AK9: variants seen among roughly 807,000 people sequenced by gnomAD.
AK9 encodes adenylate kinase domain containing 1.
AK9 carries 191 observed loss-of-function variants against 239.6 expected under a neutral mutation model. The observed-to-expected ratio is 0.80, with a 90% CI of 0.71 to 0.90. The LOEUF is 0.90. Among genes scored for constraint, AK9 ranks in the 40% least tolerant of loss-of-function variants. The probability of loss-of-function intolerance (pLI) is 0.00; values close to 1 mark genes in which losing one functional copy is unlikely to be tolerated. For synonymous variants in AK9, 689 were observed against 721.0 expected, an observed-to-expected ratio of 0.96 and a Z score of 0.71; for missense variants, 1,995 against 2,214.7, an observed-to-expected ratio of 0.90 and a Z score of 1.99.
At chr6:109,675,606 C>A in intron 2 of AK9, 23 bp downstream of exon 2, 7 of 1,302,676 alleles carry the variant, frequency 5.4e-6, no homozygotes, top group South Asian at 1.7e-5. Flanking sequence ...AAAAATTATA[C>A]CAAATAATAA....
At chr6:109,584,899 T>C (rs1023888244) in intron 19 of AK9, among the ~76,000 whole-genome samples, 1 of 152,150 alleles carries the variant, frequency 6.6e-6, no homozygotes, top group African/African-American at 2.4e-5. Context: ...ATGCTTGATT[T>C]AGAATAAGTT....
At chr6:109,617,836 T>C (rs140526075) in intron 13 of AK9, among the ~76,000 whole-genome samples, 1 of 139,466 alleles carries the variant, frequency 7.2e-6, no homozygotes, top group East Asian at 2.2e-4. Flanking sequence ...TGGTTTTCTG[T>C]GCTCACTTGA....
intron 9 of AK9, among the ~76,000 whole-genome samples, chr6:109,642,756 G>A (rs1797613722): frequency 6.6e-6 from 1 of 152,180 alleles, no homozygotes; most frequent in Non-Finnish European, 1.5e-5. Flanking sequence ...TACTGAAAAA[G>A]GAGAACGGTG....
chr6:109,579,707 TTAAAAA>T, intron 19 of AK9, 81 bp from the exon 20 acceptor site: 1 of 1,191,346 alleles, frequency 8.4e-7, no homozygotes, highest in South Asian at 1.6e-5. Context: ...GCTTATAGTG[TTAAAAA>T]TAAAGATTAA....
chr6:109,675,253 G>GT (rs1771538366), intron 2 of AK9, among the ~76,000 whole-genome samples: 1 of 152,146 alleles, frequency 6.6e-6, no homozygotes, highest in African/African-American at 2.4e-5. Flanking sequence ...CAGTGTTTTG[G>GT]TAAGTTAATT....
intron 16 of AK9, 61 bp downstream of exon 16, chr6:109,611,949 A>T: frequency 9.1e-7 from 1 of 1,104,268 alleles, no homozygotes; most frequent in East Asian, 2.6e-5. Context: ...TTCTGAGGGA[A>T]CTACTTGTGT....
intron 8 of AK9, among the ~76,000 whole-genome samples, chr6:109,655,360 T>G (rs1244950937): frequency 2.0e-5 from 3 of 152,228 alleles, no homozygotes; most frequent in Non-Finnish European, 2.9e-5. Context: ...TCATATTTGT[T>G]GTCCATTTAT....
chr6:109,534,656 G>T (rs1482281071), intron 27 of AK9, among the ~76,000 whole-genome samples: 1 of 151,720 alleles, frequency 6.6e-6, no homozygotes, highest in Admixed American at 6.6e-5. Flanking sequence ...CAACGTGCAG[G>T]TTTGTTACAT....
chr6:109,616,536 C>T (rs1000783006), intron 13 of AK9, among the ~76,000 whole-genome samples: 1 of 111,200 alleles, frequency 9.0e-6, no homozygotes, highest in African/African-American at 2.7e-5. Context: ...GACCCCCACA[C>T]CCAACTAATT....
chr6:109,523,254 A>G (rs979861672), intron 29 of AK9, among the ~76,000 whole-genome samples: 29 of 152,050 alleles, frequency 1.9e-4, no homozygotes, highest in African/African-American at 6.5e-4. Context: ...AGAGACTCTC[A>G]GGTTAATTCT....
At chr6:109,543,605 G>A (rs1359195918) in intron 26 of AK9, among the ~76,000 whole-genome samples, 2 of 151,906 alleles carry the variant, frequency 1.3e-5, no homozygotes, top group Non-Finnish European at 2.9e-5. Context: ...GTGTCACCAC[G>A]CCTGGCTAAT....
chr6:109,532,469 T>C (rs553248273), intron 28 of AK9, among the ~76,000 whole-genome samples: 5 of 152,344 alleles, frequency 3.3e-5, no homozygotes, highest in Admixed American at 3.3e-4. Flanking sequence ...GGTTTGCCTT[T>C]TCAGGGCATG....
intron 20 of AK9, 148 bp downstream of exon 20, chr6:109,579,402 A>AAAGGTACTATAAAGACTTC (rs1788531313): frequency 1.5e-6 from 1 of 659,508 alleles, no homozygotes; most frequent in African/African-American, 1.8e-5. Context: ...AAGGTACTAT[A>AAAGGTACTATAAAGACTTC]AAGACTTCAA....
Position 109,509,393 on chromosome 6 carries a change from A to G in AK9, c.4280-13T>C. On this transcript the variant is annotated splice_polypyrimidine_tract_variant and intron_variant, in intron 32 of 40. Coordinates refer to ENST00000424296, the MANE Select transcript of AK9 (RefSeq NM_001145128.3). ...ATTTTTTTGGCAACTGAAAAACATAAAACTTTTAAATTAAATTAAATGATT... is the reference window on the plus strand; with the variant it reads ...ATTTTTTTGGCAACTGAAAAACATAGAACTTTTAAATTAAATTAAATGATT... 6.5e-7 allele frequency: 1 copy of G among 1,541,594 alleles called. No homozygotes were observed. Among genetic ancestry groups the G allele is most frequent in the Non-Finnish European group, 8.8e-7 (1 of 1,139,378 alleles).
intron 12 of AK9, chr6:109,632,683 G>T: frequency 1.0e-6 from 1 of 959,754 alleles, no homozygotes; most frequent in Non-Finnish European, 1.4e-6. Flanking sequence ...TTCACATGTG[G>T]GAGCTTTTGG....
chr6:109,681,260 A>C (rs1562607538), intron 1 of AK9, among the ~76,000 whole-genome samples: 1 of 152,222 alleles, frequency 6.6e-6, no homozygotes, highest in Non-Finnish European at 1.5e-5. Flanking sequence ...ATATTTACCA[A>C]GCAAATGGAA....
Position 109,573,528 on chromosome 6 carries a change from T to A in AK9, c.2258A>T (p.Glu753Val). 6.4e-7 allele frequency: 1 copy of A among 1,551,344 alleles called. No individual in the cohort carries two copies. Among genetic ancestry groups the A allele is most frequent in the Non-Finnish European group, 8.7e-7 (1 of 1,146,756 alleles). The change falls in exon 21 of 41, where the codon GAG becomes GTG. Residue 753 changes from glutamate to valine, a missense_variant. Transcript: ENST00000424296. ...IEGDELEVHE[E>V]PEASHDTRGS... ...TCGGGTATCGTGAGATGCCTCAGGC[T>A]CTTCGTGAACTTCCAACTCATCACC...
intron 19 of AK9, among the ~76,000 whole-genome samples, chr6:109,581,087 A>C (rs1788799101): frequency 6.6e-6 from 1 of 152,002 alleles, no homozygotes; most frequent in African/African-American, 2.4e-5. Context: ...AAGACGGTGA[A>C]CTTAATTGAT....
At chr6:109,686,594 C>T (rs1161851200) in intron 1 of AK9, among the ~76,000 whole-genome samples, 1 of 152,168 alleles carries the variant, frequency 6.6e-6, no homozygotes, top group Non-Finnish European at 1.5e-5. Flanking sequence ...CTGGCTAGAT[C>T]CCACAATACT....
Sources: gnomAD v4.1 joint callset for allele counts (sites outside exome capture counted in the v4.1 genomes callset) on GRCh38, gnomAD v4.1.1 for gene constraint, MANE v1.5 for transcripts, NCBI Gene and HGNC (gene_info 2026-07-23, HGNC 2026-07-21) for gene names.